ACCSL: variants seen among roughly 807,000 people sequenced by gnomAD.
The protein encoded by ACCSL is 1-aminocyclopropane-1-carboxylate synthase homolog (inactive) like.
In ACCSL, 55 loss-of-function variants were observed where a neutral mutation model predicts 61.7. The ratio of observed to expected loss-of-function variants is 0.89; its 90% confidence interval spans 0.72 to 1.12. The LOEUF is 1.12. Among genes scored for constraint, ACCSL ranks in the 50% most tolerant of loss-of-function variants. The pLI is 0.00. For synonymous variants in ACCSL, 258 were observed against 264.3 expected (o/e 0.98, Z 0.23); for missense variants, 632 against 698.0 (o/e 0.91, Z 1.07).
At position 44,055,308 on chromosome 11, in the gene ACCSL, T is replaced by A; in HGVS notation, c.1139+17T>A. 1 of 1,603,564 alleles carries A rather than the reference T, an allele frequency of 6.2e-7. No homozygotes were observed. Among genetic ancestry groups the A allele is most frequent in the Non-Finnish European group, 8.5e-7 (1 of 1,171,420 alleles). On this transcript the variant is annotated intron_variant, in intron 9 of 13. Coordinates refer to ENST00000378832, the MANE Select transcript of ACCSL (RefSeq NM_001031854.2). ...CATGAAAAGGTGAGCTGGTCTCAGC[T>A]GGAGTTGGGAACGAGAACCACAAGG...
At chr11:43,955,072 G>A in the ACCSL span, among the ~76,000 whole-genome samples, 1 of 152,176 alleles carries the variant, frequency 6.6e-6, no homozygotes. Context: ...GAACTCTGTT[G>A]CTCTTACTAT....
the ACCSL span, among the ~76,000 whole-genome samples, chr11:43,978,334 A>C: frequency 1.3e-5 from 2 of 152,126 alleles, no homozygotes; most frequent in Non-Finnish European, 2.9e-5. Flanking sequence ...GCTCAAGCTG[A>C]TCAAGGCTTT....
the ACCSL span, among the ~76,000 whole-genome samples, chr11:44,028,565 G>C: frequency 6.6e-6 from 1 of 152,140 alleles, no homozygotes; most frequent in African/African-American, 2.4e-5. Context: ...CTGCTCCATG[G>C]GTCTGCCAGC....
At chr11:43,960,529 C>T in the ACCSL span, among the ~76,000 whole-genome samples, 25 of 151,968 alleles carry the variant, frequency 1.6e-4, no homozygotes, top group African/African-American at 5.3e-4. Context: ...GAATTACAGG[C>T]GTGCACTACC....
chr11:44,010,861 G>A, the ACCSL span, among the ~76,000 whole-genome samples: 1 of 152,158 alleles, frequency 6.6e-6, no homozygotes, highest in Non-Finnish European at 1.5e-5. Context: ...TAGGATTGAG[G>A]AATTTGCACT....
At chr11:43,993,942 C>T in the ACCSL span, among the ~76,000 whole-genome samples, 1 of 152,102 alleles carries the variant, frequency 6.6e-6, no homozygotes, top group Non-Finnish European at 1.5e-5. Context: ...AAACCTGTGC[C>T]CAGATGCATA....
At chr11:43,932,059 G>C in the ACCSL span, among the ~76,000 whole-genome samples, 1 of 152,192 alleles carries the variant, frequency 6.6e-6, no homozygotes, top group Non-Finnish European at 1.5e-5. Context: ...TCCTATCCTG[G>C]GGCCAGGCTT....
chr11:44,011,161 C>T, the ACCSL span, among the ~76,000 whole-genome samples: 2 of 152,126 alleles, frequency 1.3e-5, no homozygotes, highest in African/African-American at 4.8e-5. Context: ...TGTCTCCCAT[C>T]TCCCCTGCTA....
chr11:44,032,221 G>A, the ACCSL span, among the ~76,000 whole-genome samples: 1 of 152,186 alleles, frequency 6.6e-6, no homozygotes, highest in Non-Finnish European at 1.5e-5. Context: ...CTGGGGCTGG[G>A]ATATGCAAGA....
the ACCSL span, among the ~76,000 whole-genome samples, chr11:44,018,993 T>C: frequency 5.3e-5 from 8 of 152,200 alleles, no homozygotes; most frequent in Non-Finnish European, 1.2e-4. Context: ...AACCACTAAT[T>C]CATTTTCTGT....
At chr11:44,018,319 G>A in the ACCSL span, among the ~76,000 whole-genome samples, 8 of 152,168 alleles carry the variant, frequency 5.3e-5, no homozygotes, top group African/African-American at 1.7e-4. Flanking sequence ...TATGCCAGCC[G>A]GTCTCGACCT....
At chr11:44,008,629 T>C in the ACCSL span, among the ~76,000 whole-genome samples, 5 of 152,242 alleles carry the variant, frequency 3.3e-5, no homozygotes, top group African/African-American at 1.2e-4. Context: ...ATATGAACTG[T>C]GTCAACCTGG....
chr11:43,947,712 G>A, the ACCSL span, among the ~76,000 whole-genome samples: 2 of 151,718 alleles, frequency 1.3e-5, no homozygotes, highest in Non-Finnish European at 2.9e-5. Context: ...GGCCCCCCTG[G>A]GAGATGGAGA....
At chr11:44,028,837 G>C in the ACCSL span, among the ~76,000 whole-genome samples, 1 of 152,200 alleles carries the variant, frequency 6.6e-6, no homozygotes, top group Admixed American at 6.5e-5. Context: ...GAATCATACA[G>C]GAGGAATGTT....
the ACCSL span, among the ~76,000 whole-genome samples, chr11:43,967,190 T>TTTTC: frequency 8.0e-6 from 1 of 124,750 alleles, no homozygotes; most frequent in African/African-American, 3.0e-5. Flanking sequence ...TTTTTTTTTT[T>TTTTC]TTTTGAGATG....
At chr11:44,045,751 T>A (rs1952594029), upstream of ACCSL, among the ~76,000 whole-genome samples, 1 of 152,168 alleles carries the variant, frequency 6.6e-6, no homozygotes, top group Admixed American at 6.5e-5. Flanking sequence ...TAAGAGCCCC[T>A]AATTTAACTG....
the ACCSL span, among the ~76,000 whole-genome samples, chr11:43,972,598 C>A: frequency 6.6e-6 from 1 of 152,146 alleles, no homozygotes; most frequent in Non-Finnish European, 1.5e-5. Context: ...TCATACCTCC[C>A]GGAAGGCTGG....
rs770353200 is a variant in ACCSL at position 44,055,280 on chromosome 11, G to C, written c.1128G>C (p.Leu376=). ...AATCCATCACATTCCACAGCATTCT[G>C]AGCATGAAAAGGTGAGCTGGTCTCA... ...FDESITFHSI[L]SMKSLPDSNR... Residue 376 remains leucine, a synonymous_variant, in exon 9 of 14, where the codon CTG becomes CTC. Coordinates refer to ENST00000378832, the MANE Select transcript of ACCSL (RefSeq NM_001031854.2). 18 of 1,612,598 alleles carry C rather than the reference G, an allele frequency of 1.1e-5. No homozygotes were observed. The highest frequency in any genetic ancestry group is 1.4e-5 in the Non-Finnish European group (17 of 1,178,884).
At chr11:44,024,176 G>A in the ACCSL span, among the ~76,000 whole-genome samples, 1 of 152,288 alleles carries the variant, frequency 6.6e-6, no homozygotes, top group Admixed American at 6.5e-5. Context: ...GCAGAGGAAG[G>A]AGGGATTCAC....
Sources: allele counts gnomAD v4.1 joint callset (sites outside exome capture counted in the v4.1 genomes callset), GRCh38; gene constraint gnomAD v4.1.1; transcripts MANE v1.5; gene names NCBI Gene and HGNC (gene_info 2026-07-23, HGNC 2026-07-21).